The following WWOX variants were observed in gnomAD, a reference collection of about 807,000 sequenced individuals.
WWOX encodes the protein WW domain containing oxidoreductase, also known as WW domain-containing oxidoreductase.
WWOX carries 69 observed loss-of-function variants against 46.2 expected under a neutral mutation model. The observed-to-expected ratio is 1.49, with a 90% CI of 1.23 to 1.82. The LOEUF (loss-of-function observed/expected upper bound fraction) is 1.82, where lower values mean the gene tolerates loss of function less well. WWOX is among the 40% of genes most tolerant of loss of function. The pLI, the probability that WWOX is intolerant of heterozygous loss-of-function variation, is 0.00. For missense variants in WWOX, 919 were observed against 542.6 expected (o/e 1.69, Z -6.89); for synonymous variants, 359 against 202.6 (o/e 1.77, Z -6.56).
intron 8 of WWOX, among the ~76,000 whole-genome samples, chr16:79,051,915 T>A (rs1053419545): frequency 5.3e-5 from 8 of 152,272 alleles, no homozygotes; most frequent in African/African-American, 9.6e-5. Flanking sequence ...AAGCAAGCAT[T>A]AGGTCATAGC....
At chr16:78,805,103 GA>G (rs367633981) in intron 8 of WWOX, among the ~76,000 whole-genome samples, 5 of 152,214 alleles carry the variant, frequency 3.3e-5, no homozygotes, top group African/African-American at 1.2e-4. Flanking sequence ...ATGAAATTAA[GA>G]ATATCACTAC....
intron 8 of WWOX, among the ~76,000 whole-genome samples, chr16:79,197,532 T>G (rs2051264699): frequency 6.6e-6 from 1 of 151,324 alleles, no homozygotes; most frequent in Non-Finnish European, 1.5e-5. Flanking sequence ...ACCCTGCTTT[T>G]TGTAGACATG....
rs890349324 is a variant in WWOX, at chr16:78,993,009, C to T, written c.1057-218599C>T. Reference sequence around the variant, plus strand: ...TCTCTTTCCAATGAGGAAAACTGGACTATTTATGCTGCATTTTAGGCTTTT... The same window carrying T: ...TCTCTTTCCAATGAGGAAAACTGGATTATTTATGCTGCATTTTAGGCTTTT... On this transcript the variant is annotated intron_variant, in intron 8 of 8. Transcript: ENST00000566780. Among the ~76,000 whole-genome samples, 3 of 151,966 alleles carry T rather than the reference C, an allele frequency of 2.0e-5. No individual in the cohort carries two copies. In the South Asian group the frequency reaches 6.2e-4, roughly 32 times the overall value.
intron 8 of WWOX, among the ~76,000 whole-genome samples, chr16:78,721,303 C>T (rs1039469357): frequency 6.6e-6 from 1 of 152,188 alleles, no homozygotes; most frequent in South Asian, 2.1e-4. Context: ...TCTATTTCCC[C>T]CTTTTCTTCT....
At chr16:78,617,130 G>T (rs1423116856) in intron 8 of WWOX, among the ~76,000 whole-genome samples, 2 of 152,164 alleles carry the variant, frequency 1.3e-5, no homozygotes, top group African/African-American at 2.4e-5. Context: ...AAAGGTGATA[G>T]GCCTGTTGTG....
chr16:78,597,762 A>G (rs7194725), intron 8 of WWOX, among the ~76,000 whole-genome samples: 4,714 of 20,294 alleles, frequency 0.23, 247 homozygotes, highest in African/African-American at 0.34. Flanking sequence ...TTATATGTGT[A>G]TATATATATA....
chr16:78,424,978 C>T lies in WWOX; in HGVS notation c.714C>T (p.Tyr238=), dbSNP rs1597216082. 3 of 1,614,192 alleles carry T rather than the reference C, an allele frequency of 1.9e-6. No homozygotes were observed. The highest frequency in any genetic ancestry group is 2.5e-6 in the Non-Finnish European group (3 of 1,180,034). Residue 238 remains tyrosine, a synonymous_variant, in exon 7 of 9, where the codon TAC becomes TAT. Transcript: ENST00000566780. ...AAGTGAATCATCTGGGGCACTTCTA[C>T]CTTGTCCAGCTCCTCCAGGATGTTT... is the stretch of plus-strand genomic sequence containing the variant. ...TFQVNHLGHF[Y]LVQLLQDVLC... is the part of the protein sequence containing the mutation.
intron 8 of WWOX, among the ~76,000 whole-genome samples, chr16:78,594,302 GTT>G (rs958455420): frequency 4.0e-5 from 6 of 151,134 alleles, no homozygotes; most frequent in African/African-American, 1.2e-4. Flanking sequence ...TCCGTAGACT[GTT>G]TTTTTTGTTT....
rs74931545 is a variant in WWOX at position 78,787,926 on chromosome 16, G to A, written c.1056+355174G>A. ...GTTGAGTATTTTTATGTGGTTATTG[G>A]TTATTTGTATCTTTTTTAAAATAGA... On this transcript the variant is annotated intron_variant, in intron 8 of 8. Transcript: ENST00000566780. Among the ~76,000 whole-genome samples, 439 of 152,214 alleles carry A rather than the reference G, an allele frequency of 2.9e-3. 1 individual carries two copies. In the Middle Eastern group the frequency reaches 0.031, roughly 11 times the overall value.
chr16:78,815,237 T>A (rs184519510), intron 8 of WWOX, among the ~76,000 whole-genome samples: 236 of 152,018 alleles, frequency 1.6e-3, no homozygotes, highest in African/African-American at 5.4e-3. Flanking sequence ...AGACAGGAGA[T>A]TTCCTTAAGC....
chr16:78,854,851 G>A (rs967060217), intron 8 of WWOX, among the ~76,000 whole-genome samples: 1 of 151,744 alleles, frequency 6.6e-6, no homozygotes. Context: ...CAAAGTGCTG[G>A]GATTAGAGGC....
rs138513590 is a variant in WWOX at position 78,218,392 on chromosome 16, T to C, written c.516+54103T>C. Among the ~76,000 whole-genome samples the C allele has an allele frequency of 9.5e-4, 145 of 152,224 alleles. 1 individual carries two copies. The highest frequency in any genetic ancestry group is 3.2e-3 in the African/African-American group (132 of 41,536). On this transcript the variant is annotated intron_variant, in intron 5 of 8. Transcript: ENST00000566780. ...CTGAGCCACCATGCCTGGCCTTTGC[T>C]TGCCTTTCTTAATGTCTTTGACAAT... is the stretch of plus-strand genomic sequence containing the variant.
rs535500584 is a variant in WWOX at position 78,869,834 on chromosome 16, T to G, written c.1057-341774T>G. 9.8e-4 allele frequency among the ~76,000 whole-genome samples: 149 copies of G among 152,338 alleles called. 1 individual carries two copies. Among genetic ancestry groups the G allele is most frequent in the Non-Finnish European group, 1.7e-3 (113 of 68,024 alleles). ...CTCAGCATTTGCTTTGGAGTAAGTT[T>G]GTGTGTGTATGTTTATCTCCCTTTT... On this transcript the variant is annotated intron_variant, in intron 8 of 8. Coordinates refer to ENST00000566780, the MANE Select transcript of WWOX (RefSeq NM_016373.4).
At chr16:78,528,881 A>G (rs1053633814) in intron 8 of WWOX, among the ~76,000 whole-genome samples, 1 of 151,536 alleles carries the variant, frequency 6.6e-6, no homozygotes, top group African/African-American at 2.4e-5. Flanking sequence ...TACTCACATC[A>G]TAGATGGAGA....
At chr16:78,609,167 C>G (rs1366446493) in intron 8 of WWOX, among the ~76,000 whole-genome samples, 1 of 152,174 alleles carries the variant, frequency 6.6e-6, no homozygotes, top group Non-Finnish European at 1.5e-5. Context: ...TCTATCCTTT[C>G]TCTAAAATAT....
intron 8 of WWOX, among the ~76,000 whole-genome samples, chr16:79,013,696 G>A (rs1473395175): frequency 6.6e-6 from 1 of 152,202 alleles, no homozygotes; most frequent in Non-Finnish European, 1.5e-5. Context: ...AAGTTGACTT[G>A]GAGAACCAAT....
intron 5 of WWOX, among the ~76,000 whole-genome samples, chr16:78,384,585 C>T (rs565444950): frequency 1.5e-4 from 23 of 152,136 alleles, no homozygotes; most frequent in African/African-American, 4.8e-5. Flanking sequence ...GGGGATGTGG[C>T]GTCACCTTAT....
chr16:78,596,532 G>C (rs1452099763), intron 8 of WWOX, among the ~76,000 whole-genome samples: 3 of 152,126 alleles, frequency 2.0e-5, no homozygotes, highest in Non-Finnish European at 4.4e-5. Flanking sequence ...ATCGTGACAG[G>C]TGTGCAAGAT....
chr16:78,468,329 A>T (rs1163615557), intron 8 of WWOX, among the ~76,000 whole-genome samples: 1 of 145,640 alleles, frequency 6.9e-6, no homozygotes, highest in Non-Finnish European at 1.5e-5. Context: ...GTGAGGCCCC[A>T]CCTGTGCAGC....
Sources: gnomAD v4.1 joint callset for allele counts (sites outside exome capture counted in the v4.1 genomes callset) on GRCh38, gnomAD v4.1.1 for gene constraint, MANE v1.5 for transcripts, NCBI Gene and HGNC (gene_info 2026-07-23, HGNC 2026-07-21) for gene names.